Variants in ERC1 observed in about 807,000 individuals in gnomAD.
ERC1 encodes ELKS/RAB6-interacting/CAST family member 1, also known as RAB6 interacting protein 2.
In ERC1, 56 loss-of-function variants were observed where a neutral mutation model predicts 132.0. The observed-to-expected ratio is 0.42, with a 90% CI of 0.34 to 0.53. ERC1 has a LOEUF of 0.53. Ranked by LOEUF, ERC1 falls within the 20% of genes least tolerant of loss-of-function variation. The probability of loss-of-function intolerance (pLI) is 0.03; values close to 1 mark genes in which losing one functional copy is unlikely to be tolerated. For missense variants in ERC1, 1,202 were observed against 1,349.9 expected (o/e 0.89, Z 1.72); for synonymous variants, 478 against 476.1 (o/e 1.00, Z -0.05).
chr12:1,312,422 C>T (rs961634607), intron 15 of ERC1, among the ~76,000 whole-genome samples: 4 of 152,024 alleles, frequency 2.6e-5, no homozygotes, highest in African/African-American at 7.2e-5. Flanking sequence ...AATGCAGTGG[C>T]GGGATCTCGG....
chr12:1,029,744 C>CTTTTTTTT (rs747890124), intron 2 of ERC1, among the ~76,000 whole-genome samples: 1 of 114,236 alleles, frequency 8.8e-6, no homozygotes, highest in Non-Finnish European at 1.7e-5. Context: ...GTTAAACATA[C>CTTTTTTTT]TTTTTTTTTT....
chr12:1,031,568 T>C (rs1472818817), intron 2 of ERC1, among the ~76,000 whole-genome samples: 1 of 152,190 alleles, frequency 6.6e-6, no homozygotes, highest in Non-Finnish European at 1.5e-5. Flanking sequence ...TTAGAAATTA[T>C]GATAATTTTA....
intron 17 of ERC1, among the ~76,000 whole-genome samples, chr12:1,434,692 C>A (rs919252326): frequency 1.3e-5 from 2 of 152,178 alleles, no homozygotes; most frequent in African/African-American, 4.8e-5. Context: ...GTCCTTCTTC[C>A]AGAGATGGGT....
chr12:1,047,399 A>C (rs558028945), intron 2 of ERC1, among the ~76,000 whole-genome samples: 38 of 151,036 alleles, frequency 2.5e-4, no homozygotes, highest in African/African-American at 8.5e-4. Flanking sequence ...CCCACCCCCC[A>C]AAAAAAGCCA....
intron 1 of ERC1, among the ~76,000 whole-genome samples, chr12:1,000,257 G>C (rs1322659878): frequency 6.6e-6 from 1 of 152,052 alleles, no homozygotes; most frequent in Non-Finnish European, 1.5e-5. Flanking sequence ...GACTGAGGTG[G>C]GTGGATCACT....
intron 15 of ERC1, among the ~76,000 whole-genome samples, chr12:1,293,302 C>T (rs1301198684): frequency 6.7e-6 from 1 of 150,114 alleles, no homozygotes; most frequent in Non-Finnish European, 1.5e-5. Context: ...AAATACAAAA[C>T]ATTAGCCAGG....
At chr12:1,097,513 C>T (rs1353722627) in intron 3 of ERC1, among the ~76,000 whole-genome samples, 2 of 152,072 alleles carry the variant, frequency 1.3e-5, no homozygotes, top group East Asian at 1.9e-4. Flanking sequence ...TTTCCCAGCC[C>T]TATGGGGTTC....
intron 8 of ERC1, among the ~76,000 whole-genome samples, chr12:1,158,490 G>A (rs754936078): frequency 8.6e-5 from 13 of 151,754 alleles, no homozygotes; most frequent in Non-Finnish European, 1.5e-4. Context: ...GAGTGCAGTG[G>A]CATGATCTCG....
At chr12:1,131,675 C>A (rs941286284) in intron 7 of ERC1, among the ~76,000 whole-genome samples, 28 of 152,188 alleles carry the variant, frequency 1.8e-4, no homozygotes, top group African/African-American at 6.0e-4. Flanking sequence ...CCCTGTTAGC[C>A]AGGATGGTCT....
intron 12 of ERC1, among the ~76,000 whole-genome samples, chr12:1,209,668 A>G (rs1269019287): frequency 1.3e-5 from 2 of 152,232 alleles, no homozygotes; most frequent in African/African-American, 4.8e-5. Context: ...AGCTTGTTAA[A>G]ATAGAGTTCT....
At chr12:1,117,010 A>C (rs1946530326) in intron 7 of ERC1, among the ~76,000 whole-genome samples, 1 of 152,234 alleles carries the variant, frequency 6.6e-6, no homozygotes, top group Non-Finnish European at 1.5e-5. Context: ...TCCCAGATCG[A>C]TTCTTATCTA....
At chr12:1,461,264 C>A (rs570148325) in intron 18 of ERC1, among the ~76,000 whole-genome samples, 1 of 152,106 alleles carries the variant, frequency 6.6e-6, no homozygotes, top group Non-Finnish European at 1.5e-5. Flanking sequence ...GAATATGAGA[C>A]ATGTATAACC....
chr12:1,243,068 TC>T (rs2075917303), intron 13 of ERC1, among the ~76,000 whole-genome samples: 1 of 151,370 alleles, frequency 6.6e-6, no homozygotes, highest in South Asian at 2.1e-4. Flanking sequence ...GCGCCTGTAG[TC>T]CCAGCTACTC....
chr12:1,061,325 A>C, intron 2 of ERC1, among the ~76,000 whole-genome samples: 1 of 151,444 alleles, frequency 6.6e-6, no homozygotes, highest in Non-Finnish European at 1.5e-5. Context: ...GGCTGGGCGT[A>C]GTGGGCCATG....
chr12:1,384,908 C>T (rs941790842), intron 16 of ERC1, among the ~76,000 whole-genome samples: 2 of 152,158 alleles, frequency 1.3e-5, no homozygotes, highest in African/African-American at 4.8e-5. Flanking sequence ...ATTATGGGTT[C>T]TCAGAAAATA....
intron 12 of ERC1, among the ~76,000 whole-genome samples, chr12:1,216,425 A>G (rs1162019010): frequency 6.6e-6 from 1 of 152,028 alleles, no homozygotes; most frequent in Non-Finnish European, 1.5e-5. Flanking sequence ...TGTATTATGC[A>G]TGTTAGAGTG....
At chr12:1,109,744 C>T (rs1450726806) in intron 4 of ERC1, among the ~76,000 whole-genome samples, 2 of 152,068 alleles carry the variant, frequency 1.3e-5, no homozygotes, top group South Asian at 2.1e-4. Context: ...CTGTAAAGGA[C>T]GTATTTTAGA....
At chr12:1,467,628 T>TTCAGGA (rs1297018848) in intron 18 of ERC1, among the ~76,000 whole-genome samples, 1 of 152,196 alleles carries the variant, frequency 6.6e-6, no homozygotes, top group Non-Finnish European at 1.5e-5. Context: ...AAGGGATGGT[T>TTCAGGA]TCAGGATAAT....
At chr12:1,029,244 A>G (rs1565817016) in intron 2 of ERC1, among the ~76,000 whole-genome samples, 1 of 152,012 alleles carries the variant, frequency 6.6e-6, no homozygotes, top group Non-Finnish European at 1.5e-5. Flanking sequence ...CCCAGCTTCT[A>G]AGGAGGCTGA....
Sources: allele counts gnomAD v4.1 joint callset (sites outside exome capture counted in the v4.1 genomes callset), GRCh38; gene constraint gnomAD v4.1.1; transcripts MANE v1.5; gene names NCBI Gene and HGNC (gene_info 2026-07-23, HGNC 2026-07-21).